The following CSNK1G2 variants were observed in gnomAD, a reference collection of about 807,000 sequenced individuals.
The protein encoded by CSNK1G2 is casein kinase 1 gamma 2, also known as casein kinase I isoform gamma-2.
CSNK1G2 carries 11 observed loss-of-function variants against 48.0 expected under a neutral mutation model. The observed-to-expected ratio is 0.23, with a 90% confidence interval of 0.14 to 0.38. CSNK1G2 has a LOEUF of 0.38. Ranked by LOEUF, CSNK1G2 falls within the 10% of genes least tolerant of loss-of-function variation. The pLI, the probability that CSNK1G2 is intolerant of heterozygous loss-of-function variation, is 1.00. For synonymous variants in CSNK1G2, 337 were observed against 254.1 expected, an observed-to-expected ratio of 1.33 and a Z score of -3.10; for missense variants, 446 against 595.5, an observed-to-expected ratio of 0.75 and a Z score of 2.61.
In CSNK1G2 at chr19:1,979,160, C is replaced by A; in HGVS notation, c.683-3C>A. On this transcript the variant is annotated splice_polypyrimidine_tract_variant and splice_region_variant and intron_variant, in intron 6 of 11. Transcript: ENST00000255641. Reference sequence around the variant, plus strand: ...CGCTGAGGCTGCGCCCCTGTCCCCGCAGAGCAGAGCCGCCGCGACGACCTG... The same window carrying A: ...CGCTGAGGCTGCGCCCCTGTCCCCGAAGAGCAGAGCCGCCGCGACGACCTG... 1 of 1,529,092 alleles carries A rather than the reference C, an allele frequency of 6.5e-7. No individual in the cohort carries two copies. The highest frequency in any genetic ancestry group is 8.8e-7 in the Non-Finnish European group (1 of 1,138,218). 94.7% of individuals were successfully genotyped at this position (1,529,092 alleles called of 1,614,324 possible). A position where few individuals can be genotyped will look rare whatever the true frequency, so the allele number is the denominator to read the frequency against.
chr19:1,943,260 T>G (rs990081643), intron 1 of CSNK1G2, among the ~76,000 whole-genome samples: 1 of 152,086 alleles, frequency 6.6e-6, no homozygotes, highest in African/African-American at 2.4e-5. Context: ...CGGACTTCCT[T>G]GTGTGTCTAG....
At chr19:1,942,509 A>T (rs2014404553) in intron 1 of CSNK1G2, 1 of 152,324 alleles carries the variant, frequency 6.6e-6, no homozygotes, top group Non-Finnish European at 1.5e-5. Flanking sequence ...CCACAAGGCC[A>T]TGTGGGGCTC....
intron 1 of CSNK1G2, among the ~76,000 whole-genome samples, chr19:1,945,320 G>A (rs1307883360): frequency 6.6e-6 from 1 of 152,168 alleles, no homozygotes; most frequent in Non-Finnish European, 1.5e-5. Flanking sequence ...CGGTGCGGCT[G>A]ACTGTTCGGG....
At chr19:1,951,691 T>G (rs2145509060) in intron 1 of CSNK1G2, among the ~76,000 whole-genome samples, 1 of 144,536 alleles carries the variant, frequency 6.9e-6, no homozygotes, top group South Asian at 2.2e-4. Context: ...CTCTGCTGTT[T>G]TTTTTTGGAG....
At chr19:1,974,263 G>A (rs1316664516) in intron 2 of CSNK1G2, among the ~76,000 whole-genome samples, 1 of 152,122 alleles carries the variant, frequency 6.6e-6, no homozygotes, top group African/African-American at 2.4e-5. Flanking sequence ...ATTGAGGGTG[G>A]CGTCTGGCAA....
At chr19:1,962,107 A>C (rs1599306820) in intron 1 of CSNK1G2, among the ~76,000 whole-genome samples, 1 of 152,180 alleles carries the variant, frequency 6.6e-6, no homozygotes, top group Non-Finnish European at 1.5e-5. Flanking sequence ...AGGCAGGCGG[A>C]TCACCTGGGG....
At chr19:1,965,315 G>A (rs1204059158) in intron 1 of CSNK1G2, among the ~76,000 whole-genome samples, 13 of 150,438 alleles carry the variant, frequency 8.6e-5, no homozygotes, top group African/African-American at 2.7e-4. Flanking sequence ...CCCAGGAGGC[G>A]GAGGTTGCAG....
chr19:1,951,725 G>T (rs1471512841), intron 1 of CSNK1G2, among the ~76,000 whole-genome samples: 2 of 144,584 alleles, frequency 1.4e-5, no homozygotes, highest in East Asian at 4.3e-4. Flanking sequence ...GTGTCGCCCA[G>T]GCTGGAGTGC....
intron 1 of CSNK1G2, chr19:1,954,827 G>T (rs1360633590): frequency 6.6e-6 from 1 of 152,266 alleles, no homozygotes; most frequent in Non-Finnish European, 1.5e-5. Context: ...CATCCTTGGC[G>T]TGTGACCCGG....
intron 1 of CSNK1G2, among the ~76,000 whole-genome samples, chr19:1,966,697 C>T (rs1456528749): frequency 2.0e-5 from 3 of 152,070 alleles, no homozygotes; most frequent in African/African-American, 4.8e-5. Flanking sequence ...AAGAGTCCAT[C>T]GCTGTGGCCA....
intron 1 of CSNK1G2, among the ~76,000 whole-genome samples, chr19:1,952,264 C>T (rs951622555): frequency 4.6e-5 from 7 of 151,852 alleles, no homozygotes; most frequent in Non-Finnish European, 7.4e-5. Flanking sequence ...GTGTCATCTG[C>T]GGCCTGTGAG....
At chr19:1,971,727 G>T (rs2015577594) in intron 2 of CSNK1G2, among the ~76,000 whole-genome samples, 1 of 151,444 alleles carries the variant, frequency 6.6e-6, no homozygotes, top group Admixed American at 6.6e-5. Flanking sequence ...AATAGTGCAG[G>T]TCCCTGTAGG....
chr19:1,976,064 A>C (rs2015743175), intron 2 of CSNK1G2: 2 of 1,289,360 alleles, frequency 1.6e-6, no homozygotes, highest in Non-Finnish European at 2.0e-6. Context: ...AATCCCTCTA[A>C]AAATAAAATG....
In CSNK1G2 at chr19:1,979,733, C is replaced by G. The variant is rs779082663; in HGVS notation, c.1003-19C>G. 2 of 1,604,744 alleles carry G rather than the reference C, an allele frequency of 1.2e-6. No individual in the cohort carries two copies. Among genetic ancestry groups the G allele is most frequent in the Non-Finnish European group, 1.7e-6 (2 of 1,179,588 alleles). ...ACCGGCGCTGCAGCCCATCCTGACC[C>G]CTGCTCCCTCACCCACAGCCGACCC... On this transcript the variant is annotated intron_variant, in intron 9 of 11. Coordinates refer to ENST00000255641, the MANE Select transcript of CSNK1G2 (RefSeq NM_001319.7).
Position 1,975,746 on chromosome 19 carries a change from C to T in CSNK1G2, c.188-2559C>T, listed in dbSNP as rs529881932. 1.7e-4 allele frequency: 166 copies of T among 985,274 alleles called. No individual in the cohort carries two copies. In the African/African-American group the frequency reaches 2.7e-3, roughly 16 times the overall value. 61.0% of individuals were successfully genotyped at this position (985,274 alleles called of 1,614,324 possible). A position where few individuals can be genotyped will look rare whatever the true frequency, so the allele number is the denominator to read the frequency against. ...GGCAGTGTCCTGAGCTCTAAAACTT[C>T]GAAATCTGACCAGGCACAGTGGCTC... is the stretch of plus-strand genomic sequence containing the variant. On this transcript the variant is annotated intron_variant, in intron 2 of 11. Transcript: ENST00000255641.
intron 1 of CSNK1G2, among the ~76,000 whole-genome samples, chr19:1,961,918 G>A (rs2015212099): frequency 6.6e-6 from 1 of 152,194 alleles, no homozygotes; most frequent in East Asian, 1.9e-4. Context: ...CCACATCAGT[G>A]TCTCCTGCCA....
intron 2 of CSNK1G2, chr19:1,976,073 T>C: frequency 6.2e-6 from 8 of 1,289,476 alleles, no homozygotes; most frequent in Non-Finnish European, 7.1e-6. Flanking sequence ...AAAAATAAAA[T>C]GGACCGGTGG....
chr19:1,952,703 A>G (rs2014813408), intron 1 of CSNK1G2: 1 of 258,128 alleles, frequency 3.9e-6, no homozygotes, highest in Non-Finnish European at 7.9e-6. Flanking sequence ...TCATGCGCCT[A>G]GCAGGCGTCG....
Position 1,969,477 on chromosome 19 carries a change from G to A in CSNK1G2, c.-265-31G>A, listed in dbSNP as rs572187415. 6 of 240,794 alleles carry A rather than the reference G, an allele frequency of 2.5e-5. No homozygotes were observed. The South Asian group carries it at 9.0e-4, about 36-fold the overall frequency. 14.9% of individuals were successfully genotyped at this position (240,794 alleles called of 1,614,324 possible). A position where few individuals can be genotyped will look rare whatever the true frequency, so the allele number is the denominator to read the frequency against. On this transcript the variant is annotated intron_variant, in intron 1 of 11. Transcript: ENST00000255641. Reference sequence around the variant, plus strand: ...TCAGTGGCCCCGCGGGGGCCTTGCCGGTGCTCACCTGTGCCTCTGTTTCTC... The same window carrying A: ...TCAGTGGCCCCGCGGGGGCCTTGCCAGTGCTCACCTGTGCCTCTGTTTCTC...
Sources: gnomAD v4.1 joint callset for allele counts (sites outside exome capture counted in the v4.1 genomes callset) on GRCh38, gnomAD v4.1.1 for gene constraint, MANE v1.5 for transcripts, NCBI Gene and HGNC (gene_info 2026-07-23, HGNC 2026-07-21) for gene names.